KCNH7: variants seen among roughly 807,000 people sequenced by gnomAD.
The protein encoded by KCNH7 is voltage-gated inwardly rectifying potassium channel KCNH7.
Under a neutral mutation model 120.8 loss-of-function variants are expected in KCNH7, and 49 were observed. The ratio of observed to expected loss-of-function variants is 0.41; its 90% confidence interval spans 0.32 to 0.51. KCNH7 has a LOEUF of 0.51. KCNH7 is among the 20% of genes least tolerant of loss of function. The probability of loss-of-function intolerance (pLI) is 0.38; values close to 1 mark genes in which losing one functional copy is unlikely to be tolerated. For missense variants in KCNH7, 1,097 were observed against 1,446.6 expected, an observed-to-expected ratio of 0.76 and a Z score of 3.92; for synonymous variants, 547 against 516.1, an observed-to-expected ratio of 1.06 and a Z score of -0.81.
intron 2 of KCNH7, among the ~76,000 whole-genome samples, chr2:162,566,763 C>A (rs561503453): frequency 6.6e-6 from 1 of 151,998 alleles, no homozygotes; most frequent in East Asian, 1.9e-4. Context: ...AGGTAGAGAT[C>A]AAGATTTGTA....
At chr2:162,518,852 T>C (rs572225886) in intron 3 of KCNH7, among the ~76,000 whole-genome samples, 3 of 150,366 alleles carry the variant, frequency 2.0e-5, no homozygotes, top group Non-Finnish European at 4.4e-5. Flanking sequence ...GTATGGCATA[T>C]AATGTTATGT....
At chr2:162,759,322 C>T (rs765275487) in intron 2 of KCNH7, among the ~76,000 whole-genome samples, 1 of 151,998 alleles carries the variant, frequency 6.6e-6, no homozygotes, top group Non-Finnish European at 1.5e-5. Flanking sequence ...TTGTACCTAG[C>T]CTAGGGACTA....
chr2:162,376,638 A>G (rs1223631514), intron 14 of KCNH7, among the ~76,000 whole-genome samples: 1 of 152,112 alleles, frequency 6.6e-6, no homozygotes. Context: ...CTGGGATTAC[A>G]GGTGTGAGCC....
intron 2 of KCNH7, among the ~76,000 whole-genome samples, chr2:162,660,856 T>C (rs1196054302): frequency 6.6e-6 from 1 of 152,210 alleles, no homozygotes; most frequent in Admixed American, 6.5e-5. Flanking sequence ...CTGTTTATCA[T>C]ACAGCTACTT....
chr2:162,764,689 C>T (rs1444380528), intron 2 of KCNH7, among the ~76,000 whole-genome samples: 1 of 151,992 alleles, frequency 6.6e-6, no homozygotes, highest in East Asian at 1.9e-4. Flanking sequence ...CTTAAAAAAT[C>T]AATTCATGAG....
intron 3 of KCNH7, among the ~76,000 whole-genome samples, chr2:162,533,586 G>T (rs1368511951): frequency 6.6e-6 from 1 of 151,614 alleles, no homozygotes; most frequent in South Asian, 2.1e-4. Flanking sequence ...ACTTTGTAAT[G>T]CTAAATGCTA....
intron 2 of KCNH7, among the ~76,000 whole-genome samples, chr2:162,637,830 G>A (rs1257936323): frequency 1.3e-5 from 2 of 152,054 alleles, no homozygotes; most frequent in Non-Finnish European, 2.9e-5. Context: ...ACATTAACAT[G>A]CTGGTTTACA....
chr2:162,513,153 CTCCCTCCCTCCCTCCCTTCTT>C (rs1691136774), intron 4 of KCNH7, among the ~76,000 whole-genome samples: 1 of 59,432 alleles, frequency 1.7e-5, no homozygotes, highest in Non-Finnish European at 5.0e-5. Context: ...TCCTTCCTTC[CTCCCTCCCTCCCTCCCTTCTT>C]TCCCTCCCTC....
In KCNH7 at chr2:162,518,009, T is replaced by C. The variant is rs1691372643; in HGVS notation, c.613A>G (p.Lys205Glu). The C allele has an allele frequency of 6.2e-7, 1 of 1,612,374 alleles. No individual in the cohort carries two copies. The highest frequency in any genetic ancestry group is 8.5e-7 in the Non-Finnish European group (1 of 1,178,926). The change falls in exon 4 of 16, where the codon AAA (lysine) becomes GAA (glutamate). Residue 205 changes from lysine to glutamate, a missense_variant. Physicochemically the swap from Lys to Glu is moderately conservative, Grantham distance 56 (BLOSUM62 1). Around this residue, in one of 8 missense-constraint regions of KCNH7, gnomAD observed 362 missense variants for 372.2 expected, o/e 0.97. Transcript: ENST00000332142. ...GCTTCAGAGGGGCTGCAGCTTTCTTTTGTAGGAGACTTAAAATGCTTCATG... is the reference window on the plus strand; with the variant it reads ...GCTTCAGAGGGGCTGCAGCTTTCTTCTGTAGGAGACTTAAAATGCTTCATG... ...VAMKHFKSPT[K>E]ESCSPSEADD...
intron 2 of KCNH7, among the ~76,000 whole-genome samples, chr2:162,744,815 C>T (rs1688260478): frequency 1.3e-5 from 2 of 152,030 alleles, no homozygotes; most frequent in East Asian, 1.9e-4. Context: ...CCTCGTGATC[C>T]GCCCGCCTCG....
Position 162,517,787 on chromosome 2 carries a change from T to A in KCNH7, c.835A>T (p.Ile279Leu). Residue 279 changes from isoleucine (I) to leucine (L), a missense_variant, in exon 4 of 16, where the codon ATA becomes TTA. Physicochemically the swap from Ile to Leu is conservative, Grantham distance 5. Transcript: ENST00000332142. ...TTGGGGTGGACGCCGAATCCTTCTA[T>A]ATCATGGACCGAAGATGCTCTCCGT... Reference protein sequence around the residue: ...SIRRASSVHDIEGFGVHPKNI... With the variant: ...SIRRASSVHDLEGFGVHPKNI... 3 of 1,601,596 alleles carry A rather than the reference T, an allele frequency of 1.9e-6. No individual in the cohort carries two copies. The South Asian group carries it at 3.3e-5, about 18-fold the overall frequency.
intron 6 of KCNH7, among the ~76,000 whole-genome samples, chr2:162,502,893 T>G (rs928214509): frequency 1.3e-5 from 2 of 151,996 alleles, no homozygotes; most frequent in African/African-American, 4.8e-5. Flanking sequence ...ACACAGGCCT[T>G]AAGATGTGTT....
At chr2:162,554,036 T>C (rs1221779774) in intron 2 of KCNH7, among the ~76,000 whole-genome samples, 1 of 152,238 alleles carries the variant, frequency 6.6e-6, no homozygotes. Flanking sequence ...CCTGGATCAA[T>C]TTAGTTGCTC....
intron 2 of KCNH7, among the ~76,000 whole-genome samples, chr2:162,573,271 T>G (rs1693555152): frequency 6.6e-6 from 1 of 152,070 alleles, no homozygotes. Flanking sequence ...AAGCCATGAC[T>G]GAGTGTGAGA....
At chr2:162,593,715 A>T (rs554533564) in intron 2 of KCNH7, among the ~76,000 whole-genome samples, 1 of 152,116 alleles carries the variant, frequency 6.6e-6, no homozygotes, top group African/African-American at 2.4e-5. Flanking sequence ...AACCTATTTG[A>T]CATTTTGTAT....
intron 3 of KCNH7, among the ~76,000 whole-genome samples, chr2:162,533,687 G>T (rs1044410366): frequency 1.3e-5 from 2 of 151,604 alleles, no homozygotes; most frequent in African/African-American, 4.8e-5. Flanking sequence ...AACAGAAATT[G>T]CAAGAGAGAG....
intron 2 of KCNH7, among the ~76,000 whole-genome samples, chr2:162,681,664 G>A (rs1685714772): frequency 6.6e-6 from 1 of 151,628 alleles, no homozygotes; most frequent in African/African-American, 2.4e-5. Flanking sequence ...AATGTTACAG[G>A]TTTTATAGTT....
intron 2 of KCNH7, among the ~76,000 whole-genome samples, chr2:162,555,508 T>C (rs1053590127): frequency 6.6e-6 from 1 of 152,252 alleles, no homozygotes; most frequent in African/African-American, 2.4e-5. Context: ...ATATCCTTTA[T>C]GCAAAATCTG....
intron 9 of KCNH7, among the ~76,000 whole-genome samples, chr2:162,413,285 C>T (rs574210553): frequency 3.9e-5 from 6 of 152,010 alleles, no homozygotes; most frequent in South Asian, 2.1e-4. Flanking sequence ...CCTGCCACCA[C>T]GACCAGCTAA....
Sources: allele counts gnomAD v4.1 joint callset (sites outside exome capture counted in the v4.1 genomes callset), GRCh38; gene constraint gnomAD v4.1.1; regional missense constraint gnomAD v4.1.1; transcripts MANE v1.5; gene names NCBI Gene and HGNC (gene_info 2026-07-23, HGNC 2026-07-21).